Variants in MTMR1 observed in about 807,000 individuals in gnomAD.
MTMR1 encodes the protein myotubularin related protein 1.
A neutral mutation model predicts 51.6 loss-of-function variants in MTMR1; 17 were observed. That is an observed-to-expected ratio of 0.33 (90% CI 0.23 to 0.49). MTMR1 has a LOEUF of 0.49. Among genes scored for constraint, MTMR1 ranks in the 20% least tolerant of loss-of-function variants. MTMR1 has a pLI of 0.99. For synonymous variants in MTMR1, 201 were observed against 205.6 expected, an observed-to-expected ratio of 0.98 and a Z score of 0.19; for missense variants, 386 against 526.9, an observed-to-expected ratio of 0.73 and a Z score of 2.62.
At position 150,764,333 on chromosome X, in the gene MTMR1, T is replaced by C. The variant is rs1304210688; in HGVS notation, c.*1604T>C. On this transcript the variant is annotated 3_prime_UTR_variant, in exon 16 of 16. Transcript: ENST00000445323. ...TACCAGAGAGATTTATTCAAGGTAA[T>C]TTGATAACCTAAAATCAATTCTCCA... is the stretch of plus-strand genomic sequence containing the variant. The C allele has an allele frequency of 7.3e-5, 8 of 109,756 alleles. No individual in the cohort carries two copies. Among genetic ancestry groups the C allele is most frequent in the Admixed American group, 1.9e-4 (2 of 10,592 alleles). The allele number at this position is 109,756 out of a possible 1,213,427, so 9.0% of individuals were successfully genotyped here. A position where few individuals can be genotyped will look rare whatever the true frequency, so the allele number is the denominator to read the frequency against.
chrX:150,739,634 C>T (rs143119026), intron 12 of MTMR1, among the ~76,000 whole-genome samples: 8 of 112,282 alleles, frequency 7.1e-5, no homozygotes, highest in South Asian at 3.7e-4. Context: ...GTGCCTACAG[C>T]GCCCTGCTCC....
chrX:150,702,303 C>T (rs1336288400), intron 2 of MTMR1, among the ~76,000 whole-genome samples: 1 of 110,359 alleles, frequency 9.1e-6, no homozygotes, highest in African/African-American at 3.3e-5. Context: ...TGCAGCTTCC[C>T]GGGCTCCATC....
At position 150,716,136 on chromosome X, in the gene MTMR1, T is replaced by C. The variant is rs148329357; in HGVS notation, c.277-2489T>C. Among the ~76,000 whole-genome samples the C allele has an allele frequency of 3.8e-3, 430 of 112,883 alleles. 2 individuals carry two copies. The highest frequency in any genetic ancestry group is 0.013 in the African/African-American group (411 of 31,148). ...AGTAATTATATTTCAAAATAATCTA[T>C]TTTCACTTATTTTTAACATATAAGA... is the stretch of plus-strand genomic sequence containing the variant. On this transcript the variant is annotated intron_variant, in intron 3 of 15. Coordinates refer to ENST00000445323, the MANE Select transcript of MTMR1 (RefSeq NM_001306144.3).
intron 3 of MTMR1, among the ~76,000 whole-genome samples, chrX:150,716,773 T>C (rs1166658863): frequency 8.9e-6 from 1 of 112,656 alleles, no homozygotes; most frequent in East Asian, 2.8e-4. Context: ...AATTGACCTT[T>C]AGGTCCTTTA....
intron 10 of MTMR1, 66 bp from the exon 11 acceptor site, chrX:150,736,529 A>T: frequency 9.5e-7 from 1 of 1,057,089 alleles, no homozygotes; most frequent in Non-Finnish European, 1.3e-6. Flanking sequence ...TCTGTATCTC[A>T]TAGCACTAGA....
intron 6 of MTMR1, among the ~76,000 whole-genome samples, chrX:150,728,060 T>C (rs1260605371): frequency 8.9e-6 from 1 of 112,071 alleles, no homozygotes; most frequent in Non-Finnish European, 1.9e-5. Context: ...CCCAAATCCA[T>C]GGATGTCCAA....
rs536218051 is a variant in MTMR1, at chrX:150,717,647, T to C, written c.277-978T>C. On this transcript the variant is annotated intron_variant, in intron 3 of 15. Coordinates refer to ENST00000445323, the MANE Select transcript of MTMR1 (RefSeq NM_001306144.3). ...CTTGGAATAGACCCCGAGTTCAGGC[T>C]TTGGTCCCTAGCTTTGTAGTTCAAG... is the stretch of plus-strand genomic sequence containing the variant. 1.1e-3 allele frequency among the ~76,000 whole-genome samples: 121 copies of C among 110,618 alleles called. 1 individual carries two copies. The South Asian group carries it at 0.043, about 39-fold the overall frequency.
chrX:150,748,709 G>A (rs782786561), intron 13 of MTMR1, among the ~76,000 whole-genome samples: 12 of 110,373 alleles, frequency 1.1e-4, no homozygotes, highest in African/African-American at 3.9e-4. Flanking sequence ...TGTGGCAGTA[G>A]TCCCAGCTAC....
rs2043018450 is a variant in MTMR1 at position 150,759,480 on chromosome X, C to CTGTTT, written c.1858-3085_1858-3084insTGTTT. Among the ~76,000 whole-genome samples, 13 of 99,975 alleles carry CTGTTT rather than the reference C, an allele frequency of 1.3e-4. 2 individuals carry two copies. Among genetic ancestry groups the CTGTTT allele is most frequent in the Non-Finnish European group, 2.5e-4 (11 of 44,623 alleles). The allele number at this position is 99,975 out of a possible 115,157, so 86.8% of individuals were successfully genotyped here. ...CTGATCTGGAGTGCCTTTGGCTAAA[C>CTGTTT]AGAGCCTCTCGATTACTGCAGGAGA... On this transcript the variant is annotated intron_variant, in intron 15 of 15. Transcript: ENST00000445323.
At chrX:150,695,119 G>A (rs1603223630) in intron 1 of MTMR1, among the ~76,000 whole-genome samples, 2 of 112,201 alleles carry the variant, frequency 1.8e-5, no homozygotes, top group East Asian at 5.6e-4. Flanking sequence ...CTAGTCAGAG[G>A]CCTGTGCAAA....
chrX:150,751,774 A>C (rs1290135202), intron 14 of MTMR1, among the ~76,000 whole-genome samples: 2 of 109,817 alleles, frequency 1.8e-5, no homozygotes, highest in Non-Finnish European at 3.8e-5. Context: ...AGTACACAGC[A>C]CCACTGGCCA....
Position 150,718,583 on chromosome X carries a change from CCTTTTTTTTTTTTTTTTTTTTTT to C in MTMR1, c.277-41_277-19del, listed in dbSNP as rs1471637220. The C allele has an allele frequency of 2.4e-4, 86 of 352,122 alleles. 1 individual carries two copies. The highest frequency in any genetic ancestry group is 8.4e-4 in the South Asian group (6 of 7,137). The allele number at this position is 352,122 out of a possible 1,213,427, so 29.0% of individuals were successfully genotyped here. ...AGTGAGATTTACTCCCGTTTGGTGTCCTTTTTTTTTTTTTTTTTTTTTTTTTTTTTTTTTTTGCCAGGCTCTAA... is the reference window on the plus strand; with the variant it reads ...AGTGAGATTTACTCCCGTTTGGTGTCTTTTTTTTTTTTTGCCAGGCTCTAA... On this transcript the variant is annotated intron_variant, in intron 3 of 15. Transcript: ENST00000445323.
At chrX:150,738,403 C>G (rs1057417190) in intron 12 of MTMR1, among the ~76,000 whole-genome samples, 9 of 112,091 alleles carry the variant, frequency 8.0e-5, no homozygotes, top group Admixed American at 7.6e-4. Flanking sequence ...TTGGATTGTT[C>G]CCACCTTTGC....
At chrX:150,726,353 G>C (rs782702483) in intron 4 of MTMR1, among the ~76,000 whole-genome samples, 1 of 111,639 alleles carries the variant, frequency 9.0e-6, no homozygotes, top group Non-Finnish European at 1.9e-5. Context: ...GTGCCGAAAA[G>C]GTTGGGGACC....
In MTMR1 at chrX:150,762,734, C is replaced by T. The variant is rs371646285; in HGVS notation, c.*5C>T. ...TCCGTCCACACCTCGGTCTGATGGG[C>T]GAGGTCAGCCTGCTGCTCCACTGTC... On this transcript the variant is annotated 3_prime_UTR_variant, in exon 16 of 16. Transcript: ENST00000445323. 1.4e-5 allele frequency: 16 copies of T among 1,156,948 alleles called. No homozygotes were observed. The highest frequency in any genetic ancestry group is 1.3e-4 in the African/African-American group (7 of 55,491).
chrX:150,700,616 A>T (rs1340512792), intron 2 of MTMR1, among the ~76,000 whole-genome samples: 1 of 112,760 alleles, frequency 8.9e-6, no homozygotes, highest in Non-Finnish European at 1.9e-5. Context: ...TGCATCACTG[A>T]TGCGTGAATG....
intron 4 of MTMR1, among the ~76,000 whole-genome samples, chrX:150,723,461 A>G (rs1001096260): frequency 2.3e-4 from 25 of 109,841 alleles, no homozygotes; most frequent in African/African-American, 8.3e-4. Context: ...ACTAGTTTAC[A>G]GTCCCACCAA....
chrX:150,724,810 G>A (rs1317886226), intron 4 of MTMR1, among the ~76,000 whole-genome samples: 1 of 112,032 alleles, frequency 8.9e-6, no homozygotes, highest in East Asian at 2.8e-4. Context: ...CATATAGCTA[G>A]CTAATTATCC....
chrX:150,724,560 T>G (rs1260938158), intron 4 of MTMR1, among the ~76,000 whole-genome samples: 1 of 112,138 alleles, frequency 8.9e-6, no homozygotes, highest in Non-Finnish European at 1.9e-5. Flanking sequence ...GTTGATAGTT[T>G]CTTTTGCTGT....
Sources: gnomAD v4.1 joint callset for allele counts (sites outside exome capture counted in the v4.1 genomes callset) on GRCh38, gnomAD v4.1.1 for gene constraint, MANE v1.5 for transcripts, NCBI Gene and HGNC (gene_info 2026-07-23, HGNC 2026-07-21) for gene names.